The following DOCK9 variants were observed in gnomAD, a reference collection of about 807,000 sequenced individuals.
The protein encoded by DOCK9 is dedicator of cytokinesis protein 9.
A neutral mutation model predicts 263.3 loss-of-function variants in DOCK9; 89 were observed. That is an observed-to-expected ratio of 0.34 (90% CI 0.28 to 0.40). The LOEUF is 0.40. Among genes scored for constraint, DOCK9 ranks in the 10% least tolerant of loss-of-function variants. The probability of loss-of-function intolerance (pLI) is 1.00; values close to 1 mark genes in which losing one functional copy is unlikely to be tolerated. For synonymous variants in DOCK9, 976 were observed against 973.1 expected, an observed-to-expected ratio of 1.00 and a Z score of -0.06; for missense variants, 2,140 against 2,603.4, an observed-to-expected ratio of 0.82 and a Z score of 3.87.
rs1377073400 is a variant in DOCK9 at position 98,897,577 on chromosome 13, G to A, written c.1620C>T (p.Asp540=). 2 of 1,613,922 alleles carry A rather than the reference G, an allele frequency of 1.2e-6. No homozygotes were observed. Among genetic ancestry groups the A allele is most frequent in the Admixed American group, 1.7e-5 (1 of 60,024 alleles). Residue 540 remains aspartate (D), a synonymous_variant, in exon 15 of 53, where the codon GAC becomes GAT. Transcript: ENST00000682017. The part of the protein sequence containing the change: ...TLFKDASGNL[D]KNARFSAIYR... ...AGATGGCAGAAAATCTGGCATTTTTGTCAAGATTTCCAGATGCATCCTTAA... is the reference window on the plus strand; with the variant it reads ...AGATGGCAGAAAATCTGGCATTTTTATCAAGATTTCCAGATGCATCCTTAA...
chr13:98,867,163 A>C lies in DOCK9; in HGVS notation c.3286+262T>G, dbSNP rs57908322. 0.014 allele frequency: 7,573 copies of C among 532,116 alleles called. 321 individuals are homozygous for C. Among genetic ancestry groups the C allele is most frequent in the Admixed American group, 0.099 (3,470 of 34,940 alleles). The allele number at this position is 532,116 out of a possible 1,614,324, so 33.0% of individuals were successfully genotyped here. A position where few individuals can be genotyped will look rare whatever the true frequency, so the allele number is the denominator to read the frequency against. On this transcript the variant is annotated intron_variant, in intron 30 of 52. Transcript: ENST00000682017. ...AATAAAAATAAGCTATAGCAACTGA[A>C]ATAGATTCCTTTTCTTTAAGCAAAG...
chr13:99,079,851 C>T (rs2042058227), intron 1 of DOCK9, among the ~76,000 whole-genome samples: 1 of 152,042 alleles, frequency 6.6e-6, no homozygotes, highest in Non-Finnish European at 1.5e-5. Context: ...ACCAGCCTGG[C>T]CAACATGGTG....
chr13:98,962,997 T>C (rs2058820224), intron 1 of DOCK9, among the ~76,000 whole-genome samples: 1 of 152,118 alleles, frequency 6.6e-6, no homozygotes, highest in African/African-American at 2.4e-5. Context: ...CATGGGACAC[T>C]GCTCACAGAG....
chr13:98,867,318 G>GA lies in DOCK9; in HGVS notation c.3286+106dup, dbSNP rs370477811. 413 of 733,210 alleles carry GA rather than the reference G, an allele frequency of 5.6e-4. 3 individuals are homozygous for GA. In the African/African-American group the frequency reaches 6.6e-3, roughly 12 times the overall value. 45.4% of individuals were successfully genotyped at this position (733,210 alleles called of 1,614,324 possible). A position where few individuals can be genotyped will look rare whatever the true frequency, so the allele number is the denominator to read the frequency against. On this transcript the variant is annotated intron_variant, in intron 30 of 52. Transcript: ENST00000682017. ...ATAAGAAAAAAATTAATTCATCAAT[G>GA]AAAAAAATCAGAAAATTCAAATATC...
At chr13:99,082,384 T>C (rs1402816344) in intron 1 of DOCK9, among the ~76,000 whole-genome samples, 2 of 151,556 alleles carry the variant, frequency 1.3e-5, no homozygotes, top group Non-Finnish European at 2.9e-5. Flanking sequence ...CCGGGTGTGG[T>C]GGTGGGCGCC....
chr13:98,968,858 C>G (rs1261363379), intron 1 of DOCK9, among the ~76,000 whole-genome samples: 1 of 152,208 alleles, frequency 6.6e-6, no homozygotes, highest in East Asian at 1.9e-4. Flanking sequence ...ACCACATTCT[C>G]CAGTGTCTCC....
chr13:98,831,756 G>A lies in DOCK9; in HGVS notation c.4345C>T (p.Pro1449Ser). The change falls in exon 40 of 53, where the codon CCT becomes TCT. Residue 1449 changes from proline (P) to serine (S), a missense_variant. Transcript: ENST00000682017. ...ACATCAAAAACTTTTTTCATGAGAGGATTATGTCCATGGTCGGCCAGGAGC... is the reference window on the plus strand; with the variant it reads ...ACATCAAAAACTTTTTTCATGAGAGAATTATGTCCATGGTCGGCCAGGAGC... ...NQLLADHGHN[P>S]LMKKVFDVYL... 1 of 1,613,944 alleles carries A rather than the reference G, an allele frequency of 6.2e-7. No homozygotes were observed. Among genetic ancestry groups the A allele is most frequent in the Non-Finnish European group, 8.5e-7 (1 of 1,179,866 alleles).
rs527901267 is a variant in DOCK9 at position 98,969,364 on chromosome 13, A to G, written c.126+8420T>C. On this transcript the variant is annotated intron_variant, in intron 1 of 52. Coordinates refer to ENST00000682017, the MANE Select transcript of DOCK9 (RefSeq NM_001366683.2). The stretch of plus-strand genomic sequence containing the variant: ...AGGGAGGCAAATGAAAACGTGAATG[A>G]TTTTCAGATCTAGTCTTTCCTGCAG... 1.5e-3 allele frequency among the ~76,000 whole-genome samples: 222 copies of G among 151,910 alleles called. 8 individuals are homozygous for G. In the South Asian group the frequency reaches 0.045, roughly 31 times the overall value.
intron 1 of DOCK9, among the ~76,000 whole-genome samples, chr13:99,069,866 A>G (rs1426261279): frequency 1.3e-5 from 2 of 152,264 alleles, no homozygotes; most frequent in Non-Finnish European, 2.9e-5. Flanking sequence ...AATCTCTGCC[A>G]TCTTGCCAGG....
At chr13:98,883,961 C>T (rs2296996) in intron 21 of DOCK9, 62 bp from the exon 22 acceptor site, 873,804 of 1,221,288 alleles carry the variant, frequency 0.72, 315,280 homozygotes, top group Middle Eastern at 0.79. Flanking sequence ...CTAACATGAT[C>T]ATCAATGAGG....
intron 27 of DOCK9, among the ~76,000 whole-genome samples, chr13:98,876,182 G>A (rs1306750763): frequency 1.3e-5 from 2 of 152,154 alleles, no homozygotes; most frequent in Admixed American, 1.3e-4. Flanking sequence ...TGTGTGCCTC[G>A]TCATGACACT....
At chr13:98,838,008 G>A (rs906578494) in intron 38 of DOCK9, among the ~76,000 whole-genome samples, 1 of 152,194 alleles carries the variant, frequency 6.6e-6, no homozygotes, top group Non-Finnish European at 1.5e-5. Flanking sequence ...CTTGTCTAAA[G>A]TCATACAGGT....
At chr13:98,917,199 C>T (rs2051026473) in intron 7 of DOCK9, among the ~76,000 whole-genome samples, 2 of 152,100 alleles carry the variant, frequency 1.3e-5, no homozygotes, top group African/African-American at 4.8e-5. Flanking sequence ...AACATCTGTC[C>T]CTGGGCCAGA....
chr13:98,975,273 G>C (rs1364720517), intron 1 of DOCK9, among the ~76,000 whole-genome samples: 5 of 151,654 alleles, frequency 3.3e-5, no homozygotes, highest in Non-Finnish European at 5.9e-5. Flanking sequence ...TAGCTACTCG[G>C]GAGGCTTGAA....
intron 45 of DOCK9, among the ~76,000 whole-genome samples, chr13:98,821,340 A>G (rs2092263526): frequency 6.6e-6 from 1 of 152,154 alleles, no homozygotes; most frequent in South Asian, 2.1e-4. Flanking sequence ...TAAAAAGCTC[A>G]CAGGTCCTGC....
chr13:98,926,753 C>G (rs2053036365), intron 3 of DOCK9, among the ~76,000 whole-genome samples: 1 of 152,228 alleles, frequency 6.6e-6, no homozygotes. Context: ...CCAGTCAGCA[C>G]TTGACTATTT....
chr13:98,797,139 C>G lies in DOCK9; in HGVS notation c.6132G>C (p.Glu2044Asp). 3.7e-6 allele frequency: 6 copies of G among 1,614,014 alleles called. No homozygotes were observed. The highest frequency in any genetic ancestry group is 5.1e-6 in the Non-Finnish European group (6 of 1,179,894). ...MKANYREMAK[E>D]LSEIMHEQIC... ...CCTGCTCATGCATGATTTCAGAAAG[C>G]TCCTTCGCCATTTCCCTGTAGTTGG... Residue 2044 changes from glutamate (E) to aspartate (D), a missense_variant, in exon 52 of 53, where the codon GAG becomes GAC. Physicochemically the swap from Glu to Asp is conservative, Grantham distance 45 (BLOSUM62 2). Transcript: ENST00000682017.
intron 1 of DOCK9, among the ~76,000 whole-genome samples, chr13:99,053,298 A>G (rs1310990010): frequency 2.0e-5 from 3 of 152,236 alleles, no homozygotes; most frequent in South Asian, 2.1e-4. Context: ...AGAGCAAAGA[A>G]GATAAATTTT....
intron 1 of DOCK9, among the ~76,000 whole-genome samples, chr13:98,970,775 C>T (rs2059656935): frequency 6.6e-6 from 1 of 152,122 alleles, no homozygotes; most frequent in Admixed American, 6.5e-5. Flanking sequence ...CTATAATTTC[C>T]AATCCTTCTT....
Sources: gnomAD v4.1 joint callset for allele counts (sites outside exome capture counted in the v4.1 genomes callset) on GRCh38, gnomAD v4.1.1 for gene constraint, MANE v1.5 for transcripts, NCBI Gene and HGNC (gene_info 2026-07-23, HGNC 2026-07-21) for gene names.